The following TSHZ3 variants were observed in gnomAD, a reference collection of about 807,000 sequenced individuals.
TSHZ3 encodes teashirt zinc finger homeobox 3.
In TSHZ3, 10 loss-of-function variants were observed where a neutral mutation model predicts 64.5. The ratio of observed to expected loss-of-function variants is 0.16; its 90% CI spans 0.10 to 0.26. The LOEUF is 0.26. Ranked by LOEUF, TSHZ3 falls within the 10% of genes least tolerant of loss-of-function variation. The pLI, the probability that TSHZ3 is intolerant of heterozygous loss-of-function variation, is 1.00. For missense variants in TSHZ3, 1,242 were observed against 1,421.7 expected (o/e 0.87, Z 2.03); for synonymous variants, 608 against 593.1 (o/e 1.03, Z -0.36).
At chr19:31,289,730 A>C (rs1599628480) in intron 1 of TSHZ3, among the ~76,000 whole-genome samples, 2 of 152,026 alleles carry the variant, frequency 1.3e-5, no homozygotes, top group African/African-American at 4.8e-5. Flanking sequence ...ATTGGCTGCC[A>C]CTGTCCCTGT....
intron 5 of TSHZ3, among the ~76,000 whole-genome samples, chr19:31,191,818 C>T (rs1044204697): frequency 6.6e-6 from 1 of 152,110 alleles, no homozygotes; most frequent in Non-Finnish European, 1.5e-5. Flanking sequence ...ATGATCGCAC[C>T]ACTGCACTCC....
intron 1 of TSHZ3, among the ~76,000 whole-genome samples, chr19:31,333,518 C>A (rs1338005949): frequency 2.6e-5 from 4 of 152,124 alleles, no homozygotes; most frequent in Non-Finnish European, 5.9e-5. Context: ...AAATCCTCAG[C>A]CAACCCCGTG....
chr19:31,150,015 T>C (rs1326148226), exon 7 of TSHZ3, among the ~76,000 whole-genome samples: 1 of 152,204 alleles, frequency 6.6e-6, no homozygotes, highest in African/African-American at 2.4e-5. Context: ...ATTAAGTAAG[T>C]GGATTAGAGT....
At chr19:31,322,804 A>ATGAG (rs777222291) in intron 1 of TSHZ3, among the ~76,000 whole-genome samples, 4 of 152,242 alleles carry the variant, frequency 2.6e-5, no homozygotes, top group Admixed American at 2.6e-4. Context: ...GAATGAATGA[A>ATGAG]TGAGTGACAG....
exon 7 of TSHZ3, among the ~76,000 whole-genome samples, chr19:31,151,492 G>T (rs1223210150): frequency 6.6e-6 from 1 of 152,142 alleles, no homozygotes; most frequent in Non-Finnish European, 1.5e-5. Context: ...AATTATCAAA[G>T]AAATTGTTTA....
At chr19:31,166,148 C>T (rs962330380) in intron 5 of TSHZ3, among the ~76,000 whole-genome samples, 4 of 152,170 alleles carry the variant, frequency 2.6e-5, no homozygotes, top group Admixed American at 2.6e-4. Flanking sequence ...CCAGACAGTG[C>T]TCGGGGCTGG....
chr19:31,321,252 G>C (rs2145167085), intron 1 of TSHZ3, among the ~76,000 whole-genome samples: 1 of 152,276 alleles, frequency 6.6e-6, no homozygotes, highest in East Asian at 1.9e-4. Context: ...GGTGGGTAAT[G>C]ACAGTGCTGA....
At chr19:31,161,503 T>C (rs1974373559) in intron 5 of TSHZ3, among the ~76,000 whole-genome samples, 1 of 152,242 alleles carries the variant, frequency 6.6e-6, no homozygotes, top group Non-Finnish European at 1.5e-5. Flanking sequence ...TTTAGGGATA[T>C]GAGTCCCACA....
rs147178432 is a variant in TSHZ3, at chr19:31,156,213, C to G, written n.871+143G>C. Among the ~76,000 whole-genome samples, 661 of 152,158 alleles carry G rather than the reference C, an allele frequency of 4.3e-3. 4 individuals carry two copies. The highest frequency in any genetic ancestry group is 0.015 in the African/African-American group (611 of 41,496). On this transcript the variant is annotated intron_variant and non_coding_transcript_variant, in intron 6 of 6. Coordinates refer to the TSHZ3 transcript ENST00000651361. Reference sequence around the variant, plus strand: ...AAGGCAGGACTCTGTCTGTTGTATTCAATGATGTATTATGAGTACCTGGAA... The same window carrying G: ...AAGGCAGGACTCTGTCTGTTGTATTGAATGATGTATTATGAGTACCTGGAA...
chr19:31,303,826 T>G (rs921695682), intron 1 of TSHZ3, among the ~76,000 whole-genome samples: 2 of 152,286 alleles, frequency 1.3e-5, no homozygotes, highest in African/African-American at 4.8e-5. Flanking sequence ...CGGATTTTTT[T>G]GCAAAGATTT....
chr19:31,251,132 C>A (rs1975835597), intron 1 of TSHZ3, among the ~76,000 whole-genome samples: 1 of 152,118 alleles, frequency 6.6e-6, no homozygotes, highest in South Asian at 2.1e-4. Flanking sequence ...AGAAATAGAA[C>A]CCTGGAACTC....
intron 5 of TSHZ3, among the ~76,000 whole-genome samples, chr19:31,158,946 T>G (rs1417605048): frequency 2.0e-5 from 3 of 152,198 alleles, no homozygotes; most frequent in Non-Finnish European, 4.4e-5. Flanking sequence ...GACACTTCAC[T>G]CCTTCTCCCA....
intron 5 of TSHZ3, among the ~76,000 whole-genome samples, chr19:31,184,121 AGGT>A (rs1167264483): frequency 1.3e-5 from 2 of 152,200 alleles, no homozygotes; most frequent in African/African-American, 4.8e-5. Flanking sequence ...AAAAGGGTAG[AGGT>A]GGTGAGAGTT....
At position 31,275,945 on chromosome 19, in the gene TSHZ3, A is replaced by T. The variant is rs1195281337; in HGVS notation, c.*602T>A. On this transcript the variant is annotated 3_prime_UTR_variant, in exon 2 of 2. Coordinates refer to ENST00000240587, the MANE Select transcript of TSHZ3 (RefSeq NM_020856.4). ...CATTTTTTTTCATAAGAGAGTCTGA[A>T]ATCTATACAATATATACATCTATGT... 1.3e-5 allele frequency: 2 copies of T among 152,630 alleles called. No homozygotes were observed. The highest frequency in any genetic ancestry group is 4.8e-5 in the African/African-American group (2 of 41,446). 9.5% of individuals were successfully genotyped at this position (152,630 alleles called of 1,614,324 possible). A position where few individuals can be genotyped will look rare whatever the true frequency, so the allele number is the denominator to read the frequency against.
intron 1 of TSHZ3, among the ~76,000 whole-genome samples, chr19:31,310,711 C>T (rs1183126570): frequency 2.0e-5 from 3 of 152,216 alleles, no homozygotes; most frequent in Non-Finnish European, 4.4e-5. Flanking sequence ...CACAGCAGGA[C>T]TTGAGCAAGC....
chr19:31,209,749 T>A (rs1447653910), intron 4 of TSHZ3, among the ~76,000 whole-genome samples: 1 of 152,052 alleles, frequency 6.6e-6, no homozygotes, highest in Non-Finnish European at 1.5e-5. Context: ...CTCAATGGCA[T>A]AAGGTGTGGG....
rs114062147 is a variant in TSHZ3, at chr19:31,295,369, A to T, written c.41-15617T>A. On this transcript the variant is annotated intron_variant, in intron 1 of 1. Transcript: ENST00000240587. ...GACCTGTACGCTGATATCCTTTGATACGCTATTCACAACAGCAAAGCAACT... is the reference window on the plus strand; with the variant it reads ...GACCTGTACGCTGATATCCTTTGATTCGCTATTCACAACAGCAAAGCAACT... Among the ~76,000 whole-genome samples the T allele has an allele frequency of 1.2e-3, 178 of 152,372 alleles. 1 individual carries two copies. Among genetic ancestry groups the T allele is most frequent in the African/African-American group, 3.9e-3 (161 of 41,588 alleles).
intron 1 of TSHZ3, among the ~76,000 whole-genome samples, chr19:31,255,157 T>C (rs1975893206): frequency 6.6e-6 from 1 of 152,138 alleles, no homozygotes; most frequent in South Asian, 2.1e-4. Flanking sequence ...CCACTGTTGA[T>C]CATCAATGGG....
intron 1 of TSHZ3, among the ~76,000 whole-genome samples, chr19:31,267,198 C>G (rs1976065371): frequency 6.6e-6 from 1 of 152,188 alleles, no homozygotes; most frequent in African/African-American, 2.4e-5. Flanking sequence ...GCATGAGGGC[C>G]TTCTCTCAGC....
Sources: allele counts gnomAD v4.1 joint callset (sites outside exome capture counted in the v4.1 genomes callset), GRCh38; gene constraint gnomAD v4.1.1; transcripts MANE v1.5; gene names NCBI Gene and HGNC (gene_info 2026-07-23, HGNC 2026-07-21).